Variants in VWA5B1 observed in about 807,000 individuals in gnomAD.
VWA5B1 encodes the protein von Willebrand factor A domain-containing protein 5B1.
A neutral mutation model predicts 118.2 loss-of-function variants in VWA5B1; 115 were observed. The observed-to-expected ratio is 0.97, with a 90% confidence interval of 0.84 to 1.14. The LOEUF is 1.14. Ranked by LOEUF, VWA5B1 falls within the 50% of genes most tolerant of loss-of-function variation. The pLI is 0.00. For missense variants in VWA5B1, 1,596 were observed against 1,603.8 expected (o/e 1.00, Z 0.08); for synonymous variants, 682 against 658.4 (o/e 1.04, Z -0.55).
At chr1:20,307,056 A>T (rs1285556233) in intron 1 of VWA5B1, among the ~76,000 whole-genome samples, 1 of 151,918 alleles carries the variant, frequency 6.6e-6, no homozygotes, top group East Asian at 1.9e-4. Context: ...TCACCTCACC[A>T]GCTCTTTTCC....
At chr1:20,353,695 T>C in intron 21 of VWA5B1, 62 bp from the exon 22 acceptor site, 1 of 1,433,122 alleles carries the variant, frequency 7.0e-7, no homozygotes, top group Non-Finnish European at 9.1e-7. Flanking sequence ...GACTTTTGCA[T>C]GGCCTATGGC....
intron 16 of VWA5B1, 107 bp downstream of exon 16, chr1:20,343,500 C>T (rs1346260009): frequency 5.6e-6 from 8 of 1,427,926 alleles, no homozygotes; most frequent in Non-Finnish European, 6.4e-6. Context: ...CTCTCAGCCC[C>T]GCGTGGTCCG....
rs184571300 is a variant in VWA5B1 at position 20,330,999 on chromosome 1, C to A, written c.1572+16C>A. ...GCAACCCAAGGTAGGCAGCAGAACC[C>A]ACGCAGTCCCTTCTGGTGCTGGAAC... is the stretch of plus-strand genomic sequence containing the variant. On this transcript the variant is annotated intron_variant, in intron 11 of 21. Transcript: ENST00000289815. 1.3e-6 allele frequency: 2 copies of A among 1,530,832 alleles called. No homozygotes were observed. Among genetic ancestry groups the A allele is most frequent in the Non-Finnish European group, 1.8e-6 (2 of 1,136,716 alleles). 94.8% of individuals were successfully genotyped at this position (1,530,832 alleles called of 1,614,324 possible). A position where few individuals can be genotyped will look rare whatever the true frequency, so the allele number is the denominator to read the frequency against.
In VWA5B1 at chr1:20,319,235, C is replaced by T. The variant is rs572092636; in HGVS notation, c.842-147C>T. On this transcript the variant is annotated intron_variant, in intron 6 of 21. Transcript: ENST00000289815. ...CCCAGCTAAGGAGTCTTCCCTAGCCCTACACTGCTTCAGGCAGCCAGGGCT... is the reference window on the plus strand; with the variant it reads ...CCCAGCTAAGGAGTCTTCCCTAGCCTTACACTGCTTCAGGCAGCCAGGGCT... 24 of 1,244,060 alleles carry T rather than the reference C, an allele frequency of 1.9e-5. No individual in the cohort carries two copies. In the South Asian group the frequency reaches 3.7e-4, roughly 19 times the overall value. The allele number at this position is 1,244,060 out of a possible 1,614,324, so 77.1% of individuals were successfully genotyped here. A position where few individuals can be genotyped will look rare whatever the true frequency, so the allele number is the denominator to read the frequency against.
At chr1:20,310,809 T>A in intron 2 of VWA5B1, 69 bp downstream of exon 2, 1 of 1,449,832 alleles carries the variant, frequency 6.9e-7, no homozygotes, top group African/African-American at 1.4e-5. Context: ...TTTTGACATT[T>A]ACTCGCTGAC....
chr1:20,308,155 C>T (rs1262762721), intron 1 of VWA5B1, among the ~76,000 whole-genome samples: 3 of 152,164 alleles, frequency 2.0e-5, no homozygotes, highest in South Asian at 4.1e-4. Flanking sequence ...CTGCATTATT[C>T]GCTTAGGCTA....
At chr1:20,346,322 A>G (rs1557446326) in intron 17 of VWA5B1, among the ~76,000 whole-genome samples, 1 of 152,228 alleles carries the variant, frequency 6.6e-6, no homozygotes, top group Non-Finnish European at 1.5e-5. Flanking sequence ...CACAGCCGTG[A>G]TGGGCTGGAG....
At chr1:20,345,361 C>T (rs2089984291) in intron 16 of VWA5B1, 95 bp from the exon 17 acceptor site, 1 of 1,502,116 alleles carries the variant, frequency 6.7e-7, no homozygotes, top group African/African-American at 1.4e-5. Context: ...AAGATGGGGA[C>T]CACTTAGGTA....
chr1:20,292,152 CTCTCTCTCTT>C (rs2088321512), intron 1 of VWA5B1, among the ~76,000 whole-genome samples: 1 of 151,182 alleles, frequency 6.6e-6, no homozygotes, highest in Admixed American at 6.6e-5. Flanking sequence ...CTTTCTTTCT[CTCTCTCTCTT>C]TCTTTCCTCC....
At chr1:20,293,685 C>T (rs1237137462) in intron 1 of VWA5B1, among the ~76,000 whole-genome samples, 1 of 152,204 alleles carries the variant, frequency 6.6e-6, no homozygotes, top group Admixed American at 6.5e-5. Context: ...CTGGGAACAG[C>T]CCAGTGGGGT....
intron 7 of VWA5B1, among the ~76,000 whole-genome samples, chr1:20,319,720 C>T (rs2089147722): frequency 6.6e-6 from 1 of 152,208 alleles, no homozygotes; most frequent in African/African-American, 2.4e-5. Context: ...ATTCCCGCCT[C>T]CTGCCAGATC....
At chr1:20,304,124 A>G (rs1444740923) in intron 1 of VWA5B1, among the ~76,000 whole-genome samples, 1 of 152,184 alleles carries the variant, frequency 6.6e-6, no homozygotes, top group Non-Finnish European at 1.5e-5. Context: ...AGGTGCAGCC[A>G]TTGCTCTTTC....
At chr1:20,291,387 T>TCTCTCTCTCTCTCTCTCTCTCTCTCTCTC (rs57894456) in intron 1 of VWA5B1, among the ~76,000 whole-genome samples, 13 of 114,228 alleles carry the variant, frequency 1.1e-4, no homozygotes, top group South Asian at 8.9e-4. Flanking sequence ...CTCTCTCTCT[T>TCTCTCTCTCTCTCTCTCTCTCTCTCTCTC]TCTGTCTCCT....
At chr1:20,317,490 C>T (rs769080575) in intron 4 of VWA5B1, 40 bp from the exon 5 acceptor site, 12 of 1,545,958 alleles carry the variant, frequency 7.8e-6, no homozygotes, top group Non-Finnish European at 9.6e-6. Flanking sequence ...CCTTCTTCCA[C>T]CCTGGCTGGT....
At chr1:20,307,992 A>G (rs1157433365) in intron 1 of VWA5B1, among the ~76,000 whole-genome samples, 1 of 151,982 alleles carries the variant, frequency 6.6e-6, no homozygotes, top group Non-Finnish European at 1.5e-5. Flanking sequence ...AGTTAGCACA[A>G]TACCCAATAG....
intron 14 of VWA5B1, 62 bp downstream of exon 14, chr1:20,337,898 T>C (rs1570185796): frequency 6.5e-6 from 10 of 1,547,764 alleles, no homozygotes; most frequent in Middle Eastern, 1.7e-4. Context: ...GAGAGCTGTG[T>C]CCCCTGCTTC....
intron 1 of VWA5B1, among the ~76,000 whole-genome samples, chr1:20,300,799 A>C (rs1444583981): frequency 6.6e-6 from 1 of 152,248 alleles, no homozygotes; most frequent in Non-Finnish European, 1.5e-5. Context: ...ACAAGGAAGA[A>C]GTACAGTTTT....
intron 12 of VWA5B1, among the ~76,000 whole-genome samples, chr1:20,335,656 A>T (rs2089693775): frequency 6.6e-6 from 1 of 152,376 alleles, no homozygotes; most frequent in East Asian, 1.9e-4. Context: ...GTATTCTTAC[A>T]ATAAAGTACG....
rs948995048 is a variant in VWA5B1, at chr1:20,337,632, C to A, written c.1943-14C>A. The A allele has an allele frequency of 3.9e-6, 6 of 1,544,170 alleles. No homozygotes were observed. Among genetic ancestry groups the A allele is most frequent in the Non-Finnish European group, 5.3e-6 (6 of 1,141,862 alleles). ...GTCCCACTCTGATGGTTCCCCATCA[C>A]TATCCCTGTCCAGATCTGAACCTCT... On this transcript the variant is annotated splice_polypyrimidine_tract_variant and intron_variant, in intron 13 of 21. Coordinates refer to ENST00000289815, the MANE Select transcript of VWA5B1 (RefSeq NM_001039500.3).
Sources: allele counts gnomAD v4.1 joint callset (sites outside exome capture counted in the v4.1 genomes callset), GRCh38; gene constraint gnomAD v4.1.1; transcripts MANE v1.5; gene names NCBI Gene and HGNC (gene_info 2026-07-23, HGNC 2026-07-21).